SLAIN2: variants seen among roughly 807,000 people sequenced by gnomAD.
The protein encoded by SLAIN2 is SLAIN motif-containing protein 2.
In SLAIN2, 31 loss-of-function variants were observed where a neutral mutation model predicts 56.6. That is an observed-to-expected ratio of 0.55 (90% confidence interval 0.41 to 0.74). SLAIN2 has a LOEUF of 0.74. Ranked by LOEUF, SLAIN2 falls within the 30% of genes least tolerant of loss-of-function variation. The probability of loss-of-function intolerance (pLI) is 0.00; values close to 1 mark genes in which losing one functional copy is unlikely to be tolerated. For missense variants in SLAIN2, 777 were observed against 754.2 expected, an observed-to-expected ratio of 1.03 and a Z score of -0.35; for synonymous variants, 317 against 284.9, an observed-to-expected ratio of 1.11 and a Z score of -1.13.
intron 3 of SLAIN2, 50 bp from the exon 4 acceptor site, chr4:48,379,640 C>T (rs376573202): frequency 7.6e-7 from 1 of 1,317,356 alleles, no homozygotes; most frequent in Non-Finnish European, 9.8e-7. Context: ...GGCATTTATT[C>T]AATAGTTGCT....
At chr4:48,411,379 G>GT (rs1231498356) in intron 6 of SLAIN2, among the ~76,000 whole-genome samples, 2 of 152,024 alleles carry the variant, frequency 1.3e-5, no homozygotes, top group Non-Finnish European at 2.9e-5. Context: ...ACACTCCTAT[G>GT]TTTTTTTCTA....
chr4:48,384,814 C>A (rs771602014), intron 6 of SLAIN2, among the ~76,000 whole-genome samples: 1 of 152,114 alleles, frequency 6.6e-6, no homozygotes, highest in Non-Finnish European at 1.5e-5. Flanking sequence ...TTAAAAACCT[C>A]ACATTCTGCA....
In SLAIN2 at chr4:48,425,490, T is replaced by G. The variant is rs1717277268; in HGVS notation, c.*3413T>G. The G allele has an allele frequency of 6.6e-6, 1 of 152,164 alleles. No individual in the cohort carries two copies. The highest frequency in any genetic ancestry group is 2.1e-4 in the South Asian group (1 of 4,836). 9.4% of individuals were successfully genotyped at this position (152,164 alleles called of 1,614,324 possible). On this transcript the variant is annotated 3_prime_UTR_variant, in exon 8 of 8. Transcript: ENST00000264313. ...GGAAAAATCAAGAATTGTACACTGT[T>G]TAATGAGTTCTCCATATTCCTTTAG...
chr4:48,386,815 G>C (rs1332789294), intron 6 of SLAIN2, among the ~76,000 whole-genome samples: 1 of 151,998 alleles, frequency 6.6e-6, no homozygotes, highest in Non-Finnish European at 1.5e-5. Flanking sequence ...CCTGTTTCTG[G>C]CTTCTTTTTT....
intron 6 of SLAIN2, 107 bp from the exon 7 acceptor site, chr4:48,420,018 C>G (rs1347861136): frequency 1.1e-4 from 120 of 1,119,082 alleles, no homozygotes; most frequent in Non-Finnish European, 9.8e-5. Context: ...TGTGAAGTTT[C>G]CTGAATACAC....
chr4:48,379,802 A>G lies in SLAIN2; in HGVS notation c.816A>G (p.Leu272=). Residue 272 remains leucine, a synonymous_variant, in exon 4 of 8, where the codon CTA becomes CTG. Coordinates refer to ENST00000264313, the MANE Select transcript of SLAIN2 (RefSeq NM_020846.2). ...DEDSIGSNYK[L]NDVTDVQILA... is the part of the protein sequence containing the mutation. ...ATTCAATTGGATCCAATTATAAGCT[A>G]AATGATGTAACTGATGTACAGATTC... 6.3e-7 allele frequency: 1 copy of G among 1,591,396 alleles called. No individual in the cohort carries two copies. Among genetic ancestry groups the G allele is most frequent in the Non-Finnish European group, 8.5e-7 (1 of 1,171,762 alleles).
At position 48,403,465 on chromosome 4, in the gene SLAIN2, A is replaced by G. The variant is rs546061906; in HGVS notation, c.1361-16660A>G. ...AGGGATGGATCAGGGTCCCACTTAA[A>G]GAAGCAGTCTGGCCACGATCTGGCA... On this transcript the variant is annotated intron_variant, in intron 6 of 7. Coordinates refer to ENST00000264313, the MANE Select transcript of SLAIN2 (RefSeq NM_020846.2). Among the ~76,000 whole-genome samples, 29 of 152,318 alleles carry G rather than the reference A, an allele frequency of 1.9e-4. 1 individual carries two copies. Among genetic ancestry groups the G allele is most frequent in the African/African-American group, 6.7e-4 (28 of 41,578 alleles).
chr4:48,409,197 T>A (rs1418034391), intron 6 of SLAIN2, among the ~76,000 whole-genome samples: 1 of 152,174 alleles, frequency 6.6e-6, no homozygotes, highest in African/African-American at 2.4e-5. Context: ...GACAATCCAA[T>A]TACACTCTTT....
chr4:48,363,791 G>T (rs1277212387), intron 1 of SLAIN2, among the ~76,000 whole-genome samples: 3 of 139,102 alleles, frequency 2.2e-5, no homozygotes, highest in Non-Finnish European at 3.2e-5. Context: ...TGGCCGGGTG[G>T]GGGGGCTGAC....
chr4:48,378,805 TA>T (rs1188253649), intron 3 of SLAIN2, among the ~76,000 whole-genome samples: 1 of 152,168 alleles, frequency 6.6e-6, no homozygotes, highest in African/African-American at 2.4e-5. Flanking sequence ...TTAAAATAGG[TA>T]ATTTCGTTCA....
chr4:48,408,530 C>CCAA (rs71660449), intron 6 of SLAIN2, among the ~76,000 whole-genome samples: 2 of 109,048 alleles, frequency 1.8e-5, no homozygotes, highest in Non-Finnish European at 3.5e-5. Flanking sequence ...CCGTTTTTAG[C>CCAA]AAAAAAAAAA....
chr4:48,344,726 A>C (rs1241602313), intron 1 of SLAIN2, among the ~76,000 whole-genome samples: 3 of 152,142 alleles, frequency 2.0e-5, no homozygotes, highest in Non-Finnish European at 2.9e-5. Flanking sequence ...CATGATAAGA[A>C]ATACATTTTA....
In SLAIN2 at chr4:48,412,400, ACACACACAC is replaced by A. The variant is rs1560465829; in HGVS notation, c.1361-7724_1361-7716del. Among the ~76,000 whole-genome samples, 183 of 57,652 alleles carry A rather than the reference ACACACACAC, an allele frequency of 3.2e-3. 8 individuals are homozygous for A. The highest frequency in any genetic ancestry group is 9.3e-3 in the African/African-American group (177 of 18,952). 37.8% of individuals were successfully genotyped at this position (57,652 alleles called of 152,430 possible). ...CACACACACACACACACACACACAC[ACACACACAC>A]ACACACATTCCCTCTCTCTCTCTCT... On this transcript the variant is annotated intron_variant, in intron 6 of 7. Transcript: ENST00000264313.
chr4:48,389,519 A>G (rs943502687), intron 6 of SLAIN2, among the ~76,000 whole-genome samples: 7 of 152,232 alleles, frequency 4.6e-5, no homozygotes, highest in African/African-American at 1.4e-4. Flanking sequence ...CACGCCTTCC[A>G]GTAGCAGGGA....
intron 1 of SLAIN2, 114 bp from the exon 2 acceptor site, chr4:48,369,735 T>C: frequency 4.6e-6 from 4 of 868,550 alleles, no homozygotes; most frequent in South Asian, 2.4e-5. Context: ...ATTTAAAATA[T>C]ACTCCATGAC....
Position 48,369,831 on chromosome 4 carries a change from TTTG to T in SLAIN2, c.390-13_390-11del, listed in dbSNP as rs781129962. On this transcript the variant is annotated splice_polypyrimidine_tract_variant and intron_variant, in intron 1 of 7. Coordinates refer to ENST00000264313, the MANE Select transcript of SLAIN2 (RefSeq NM_020846.2). The stretch of plus-strand genomic sequence containing the variant: ...GTGCTTAATAAGGAATTTTCTGTTT[TTTG>T]TTGTCTTCTTCTAGGCTGTATTCAT... 6.2e-7 allele frequency: 1 copy of T among 1,601,104 alleles called. No homozygotes were observed. The highest frequency in any genetic ancestry group is 8.5e-7 in the Non-Finnish European group (1 of 1,174,746).
chr4:48,371,067 T>C (rs1715649513), intron 2 of SLAIN2, among the ~76,000 whole-genome samples: 1 of 152,094 alleles, frequency 6.6e-6, no homozygotes, highest in African/African-American at 2.4e-5. Context: ...TTTTCCTCTA[T>C]GAAAAGAAGC....
At chr4:48,412,524 CATT>C (rs1398837017) in intron 6 of SLAIN2, among the ~76,000 whole-genome samples, 2 of 151,998 alleles carry the variant, frequency 1.3e-5, no homozygotes, top group African/African-American at 4.8e-5. Flanking sequence ...TTCTAAAAGT[CATT>C]ATTGAGGTTG....
At chr4:48,376,789 AT>A (rs1715826195) in intron 2 of SLAIN2, among the ~76,000 whole-genome samples, 1 of 150,336 alleles carries the variant, frequency 6.7e-6, no homozygotes, top group South Asian at 2.1e-4. Context: ...CACCTGGCTA[AT>A]TTTTTGTATT....
Sources: allele counts gnomAD v4.1 joint callset (sites outside exome capture counted in the v4.1 genomes callset), GRCh38; gene constraint gnomAD v4.1.1; transcripts MANE v1.5; gene names NCBI Gene and HGNC (gene_info 2026-07-23, HGNC 2026-07-21).